The following ADCY5 variants were observed in gnomAD, a reference collection of about 807,000 sequenced individuals.
ADCY5 encodes adenylate cyclase 5, also known as adenylate cyclase type 5.
A neutral mutation model predicts 119.7 loss-of-function variants in ADCY5; 30 were observed. The observed-to-expected ratio is 0.25, with a 90% CI of 0.19 to 0.34. The LOEUF (loss-of-function observed/expected upper bound fraction) is 0.34, where lower values mean the gene tolerates loss of function less well. Among genes scored for constraint, ADCY5 ranks in the 10% least tolerant of loss-of-function variants. ADCY5 has a pLI of 1.00. For synonymous variants in ADCY5, 753 were observed against 762.2 expected (o/e 0.99, Z 0.20); for missense variants, 1,324 against 1,775.2 (o/e 0.75, Z 4.57).
chr3:123,331,360 A>C (rs1941755780), intron 4 of ADCY5, among the ~76,000 whole-genome samples: 1 of 152,168 alleles, frequency 6.6e-6, no homozygotes, highest in Admixed American at 6.5e-5. Context: ...CAGCTTAAGG[A>C]AGGCCCCAAG....
At chr3:123,341,655 T>C (rs1165800175) in intron 3 of ADCY5, among the ~76,000 whole-genome samples, 1 of 152,034 alleles carries the variant, frequency 6.6e-6, no homozygotes, top group Non-Finnish European at 1.5e-5. Flanking sequence ...TGTATTTTTA[T>C]CACAACTAAA....
chr3:123,298,372 G>A (rs1016015866), intron 15 of ADCY5, among the ~76,000 whole-genome samples: 26 of 152,148 alleles, frequency 1.7e-4, no homozygotes, highest in Non-Finnish European at 5.9e-5. Context: ...CAACTTCAGC[G>A]CCTGAAGAGG....
intron 10 of ADCY5, among the ~76,000 whole-genome samples, chr3:123,318,892 C>T (rs1434326096): frequency 6.6e-6 from 1 of 152,200 alleles, no homozygotes; most frequent in Non-Finnish European, 1.5e-5. Flanking sequence ...TTCTCATTCA[C>T]AATGTGAAGA....
intron 14 of ADCY5, among the ~76,000 whole-genome samples, chr3:123,301,003 G>A (rs1939815267): frequency 6.6e-6 from 1 of 152,084 alleles, no homozygotes; most frequent in South Asian, 2.1e-4. Context: ...AAAGGTTTCA[G>A]AGGAGGGATC....
chr3:123,301,049 T>G (rs925508913), intron 14 of ADCY5, among the ~76,000 whole-genome samples: 2 of 151,984 alleles, frequency 1.3e-5, no homozygotes, highest in Admixed American at 1.3e-4. Context: ...AAGCCCCTTC[T>G]GGTCTCTGAG....
chr3:123,416,345 C>G, intron 1 of ADCY5: 3 of 1,527,478 alleles, frequency 2.0e-6, no homozygotes, highest in South Asian at 1.2e-5. Context: ...CATTTATAGC[C>G]AGAACATTTT....
chr3:123,294,214 C>A (rs1939351068), intron 17 of ADCY5, among the ~76,000 whole-genome samples: 2 of 152,192 alleles, frequency 1.3e-5, no homozygotes, highest in African/African-American at 4.8e-5. Context: ...AGAATGCCAA[C>A]CAGCAAGTCC....
intron 3 of ADCY5, among the ~76,000 whole-genome samples, chr3:123,335,004 C>T (rs1941955967): frequency 6.6e-6 from 1 of 152,116 alleles, no homozygotes; most frequent in East Asian, 1.9e-4. Context: ...CCAAGACAAG[C>T]CAATTCCCAG....
At chr3:123,422,633 G>A (rs1428623239) in intron 1 of ADCY5, among the ~76,000 whole-genome samples, 1 of 152,216 alleles carries the variant, frequency 6.6e-6, no homozygotes, top group Non-Finnish European at 1.5e-5. Context: ...CTCAGCTCAT[G>A]TCTGGTGGCA....
At chr3:123,359,161 C>T (rs1050264928) in intron 1 of ADCY5, among the ~76,000 whole-genome samples, 1 of 151,594 alleles carries the variant, frequency 6.6e-6, no homozygotes, top group African/African-American at 2.4e-5. Flanking sequence ...CAATATGGTT[C>T]ACAGGTGAAT....
chr3:123,311,338 G>A (rs545124509), intron 12 of ADCY5, among the ~76,000 whole-genome samples: 1 of 152,196 alleles, frequency 6.6e-6, no homozygotes, highest in Non-Finnish European at 1.5e-5. Context: ...AATTTCATAC[G>A]GTCAACCCAC....
rs187671426 is a variant in ADCY5, at chr3:123,318,926, G to A, written c.2256+748C>T. On this transcript the variant is annotated intron_variant, in intron 10 of 20. Transcript: ENST00000462833. The stretch of plus-strand genomic sequence containing the variant: ...GAAATGCAACAGAGAGATCTTGACT[G>A]TCCCTGCCAACTTTAACACCTTGAG... 1.4e-4 allele frequency among the ~76,000 whole-genome samples: 22 copies of A among 152,304 alleles called. No homozygotes were observed. In the East Asian group the frequency reaches 3.9e-3, roughly 27 times the overall value.
At chr3:123,410,537 T>C (rs925548015) in intron 1 of ADCY5, among the ~76,000 whole-genome samples, 2 of 152,260 alleles carry the variant, frequency 1.3e-5, no homozygotes, top group Non-Finnish European at 2.9e-5. Flanking sequence ...AAAACCAACA[T>C]AACGTCCACC....
chr3:123,346,607 T>TCTCTCTCTCTC (rs1316376575), intron 3 of ADCY5, among the ~76,000 whole-genome samples: 3 of 128,180 alleles, frequency 2.3e-5, no homozygotes, highest in Non-Finnish European at 3.6e-5. Context: ...CAGCCTCACC[T>TCTCTCTCTCTC]TCTCTCTCTC....
Position 123,347,923 on chromosome 3 carries a change from C to T in ADCY5, c.1285-20G>A. 1 of 1,613,978 alleles carries T rather than the reference C, an allele frequency of 6.2e-7. No homozygotes were observed. Among genetic ancestry groups the T allele is most frequent in the Non-Finnish European group, 8.5e-7 (1 of 1,179,936 alleles). On this transcript the variant is annotated intron_variant, in intron 2 of 20. Coordinates refer to ENST00000462833, the MANE Select transcript of ADCY5 (RefSeq NM_183357.3). ...CCGTTCCTGCAGAGGGAAGCACATG[C>T]TTTCATCACCACGCCTTCTACCTGC...
At chr3:123,355,220 A>T (rs1218627484) in intron 1 of ADCY5, among the ~76,000 whole-genome samples, 1 of 152,252 alleles carries the variant, frequency 6.6e-6, no homozygotes, top group Non-Finnish European at 1.5e-5. Flanking sequence ...AAAAAATTTT[A>T]AAAACTACCA....
At chr3:123,438,093 G>A (rs1306041522) in intron 1 of ADCY5, among the ~76,000 whole-genome samples, 1 of 152,116 alleles carries the variant, frequency 6.6e-6, no homozygotes, top group African/African-American at 2.4e-5. Context: ...CTGGCCCAGA[G>A]GCAAGGGGCT....
intron 1 of ADCY5, among the ~76,000 whole-genome samples, chr3:123,375,454 C>T (rs1943792025): frequency 6.6e-6 from 1 of 152,240 alleles, no homozygotes; most frequent in Non-Finnish European, 1.5e-5. Context: ...CAAGGCATCA[C>T]CCCAACAGCT....
intron 1 of ADCY5, 42 bp downstream of exon 1, chr3:123,447,370 C>T (rs1201253223): frequency 6.8e-7 from 1 of 1,468,472 alleles, no homozygotes; most frequent in Non-Finnish European, 9.0e-7. Flanking sequence ...CTGAGGCCTG[C>T]CCGCCCCGCA....
Sources: allele counts gnomAD v4.1 joint callset (sites outside exome capture counted in the v4.1 genomes callset), GRCh38; gene constraint gnomAD v4.1.1; transcripts MANE v1.5; gene names NCBI Gene and HGNC (gene_info 2026-07-23, HGNC 2026-07-21).